The following KCTD1 variants were observed in gnomAD, a reference collection of about 807,000 sequenced individuals.
The protein encoded by KCTD1 is BTB/POZ domain-containing protein KCTD1.
KCTD1 carries 24 observed loss-of-function variants against 66.0 expected under a neutral mutation model. The ratio of observed to expected loss-of-function variants is 0.36; its 90% CI spans 0.26 to 0.51. KCTD1 has a LOEUF of 0.51. KCTD1 is among the 20% of genes least tolerant of loss of function. KCTD1 has a pLI of 0.95. For synonymous variants in KCTD1, 511 were observed against 517.2 expected (o/e 0.99, Z 0.16); for missense variants, 943 against 1,205.2 (o/e 0.78, Z 3.22).
intron 1 of KCTD1, among the ~76,000 whole-genome samples, chr18:26,583,535 T>C (rs1287258040): frequency 6.6e-6 from 1 of 152,182 alleles, no homozygotes; most frequent in Non-Finnish European, 1.5e-5. Context: ...TAATCTGGCT[T>C]CATGTGTGAC....
intron 1 of KCTD1, among the ~76,000 whole-genome samples, chr18:26,506,887 CA>C (rs1299878607): frequency 6.6e-6 from 1 of 152,170 alleles, no homozygotes; most frequent in Non-Finnish European, 1.5e-5. Context: ...TAATTTAGGC[CA>C]GGCGTGGTGG....
chr18:26,470,558 T>G (rs1980999859), intron 3 of KCTD1, among the ~76,000 whole-genome samples: 1 of 152,208 alleles, frequency 6.6e-6, no homozygotes. Context: ...TTCCTGGTCC[T>G]CGATAACATT....
intron 1 of KCTD1, among the ~76,000 whole-genome samples, chr18:26,594,089 T>A (rs1029920234): frequency 6.6e-6 from 1 of 152,236 alleles, no homozygotes; most frequent in Non-Finnish European, 1.5e-5. Context: ...ATTTACCATC[T>A]TGTTGAGCTT....
intron 1 of KCTD1, among the ~76,000 whole-genome samples, chr18:26,520,283 GC>G (rs1983848955): frequency 6.6e-6 from 1 of 152,150 alleles, no homozygotes; most frequent in Admixed American, 6.6e-5. Context: ...ACATGTGCTG[GC>G]TATTTTCTTT....
chr18:26,519,012 T>C (rs1295264454), intron 1 of KCTD1, among the ~76,000 whole-genome samples: 1 of 152,278 alleles, frequency 6.6e-6, no homozygotes, highest in East Asian at 1.9e-4. Context: ...TGTATACTAA[T>C]GAACTTCTGA....
At chr18:26,515,399 A>G (rs1230251163) in intron 1 of KCTD1, among the ~76,000 whole-genome samples, 3 of 152,204 alleles carry the variant, frequency 2.0e-5, no homozygotes, top group Non-Finnish European at 2.9e-5. Context: ...AAAAGTTAGA[A>G]GCAAAATATT....
At chr18:26,637,934 T>C (rs891835720) in intron 1 of KCTD1, among the ~76,000 whole-genome samples, 1 of 152,232 alleles carries the variant, frequency 6.6e-6, no homozygotes, top group Admixed American at 6.5e-5. Flanking sequence ...GCTATTGTTA[T>C]CATTTTTGTA....
At chr18:26,473,806 C>T (rs1004716131) in intron 3 of KCTD1, among the ~76,000 whole-genome samples, 1 of 152,182 alleles carries the variant, frequency 6.6e-6, no homozygotes, top group Non-Finnish European at 1.5e-5. Context: ...CTGTGCCTTC[C>T]TCAGGCTCAT....
chr18:26,532,914 T>C (rs1195762951), intron 1 of KCTD1, among the ~76,000 whole-genome samples: 1 of 152,354 alleles, frequency 6.6e-6, no homozygotes, highest in East Asian at 1.9e-4. Flanking sequence ...CTTCACTGCC[T>C]TGTTCTTTAT....
At chr18:26,616,033 C>T (rs1050994992) in intron 1 of KCTD1, among the ~76,000 whole-genome samples, 18 of 152,228 alleles carry the variant, frequency 1.2e-4, no homozygotes, top group South Asian at 6.2e-4. Flanking sequence ...TCAGGTGATC[C>T]GCCTGCCTCA....
chr18:26,565,022 A>G (rs1396706178), intron 1 of KCTD1, among the ~76,000 whole-genome samples: 1 of 152,238 alleles, frequency 6.6e-6, no homozygotes, highest in Admixed American at 6.5e-5. Context: ...TAAAATGATA[A>G]TGTTAGTCAA....
upstream of KCTD1, chr18:26,548,728 G>A (rs1985406444): frequency 1.4e-6 from 1 of 739,296 alleles, no homozygotes; most frequent in Non-Finnish European, 1.7e-6. Flanking sequence ...GAGGGGAGGG[G>A]GGAGGGGGGG....
At chr18:26,630,319 C>CT (rs1012617329), upstream of KCTD1, among the ~76,000 whole-genome samples, 11 of 151,950 alleles carry the variant, frequency 7.2e-5, no homozygotes, top group East Asian at 1.9e-4. Context: ...GAGTATATGT[C>CT]TTTTTTTGTT....
intron 1 of KCTD1, among the ~76,000 whole-genome samples, chr18:26,570,734 A>G (rs542270648): frequency 6.6e-6 from 1 of 152,296 alleles, no homozygotes; most frequent in East Asian, 1.9e-4. Context: ...GAGGATGCAC[A>G]GGTATACAGA....
intron 1 of KCTD1, among the ~76,000 whole-genome samples, chr18:26,554,069 G>C (rs1985643237): frequency 7.5e-6 from 1 of 132,562 alleles, no homozygotes; most frequent in South Asian, 2.5e-4. Flanking sequence ...AGGAAAGAAA[G>C]AATCTTCAAT....
At chr18:26,498,257 G>A (rs1982578896) in intron 2 of KCTD1, among the ~76,000 whole-genome samples, 1 of 152,076 alleles carries the variant, frequency 6.6e-6, no homozygotes, top group Non-Finnish European at 1.5e-5. Context: ...ACTCACTGGT[G>A]ACAGAAAGCA....
chr18:26,460,253 T>A (rs1980346410), intron 3 of KCTD1, among the ~76,000 whole-genome samples: 1 of 152,362 alleles, frequency 6.6e-6, no homozygotes, highest in East Asian at 1.9e-4. Flanking sequence ...AAAACTGAGA[T>A]GTGAAAGGAT....
intron 4 of KCTD1, chr18:26,457,590 G>GTGAT (rs1980162190): frequency 6.6e-6 from 1 of 152,212 alleles, no homozygotes; most frequent in South Asian, 2.1e-4. Context: ...TAGGCATCAT[G>GTGAT]TGATAATTAT....
chr18:26,514,073 A>G (rs1013694219), intron 1 of KCTD1, among the ~76,000 whole-genome samples: 4 of 152,198 alleles, frequency 2.6e-5, no homozygotes, highest in Non-Finnish European at 2.9e-5. Flanking sequence ...TTACTTATTT[A>G]TATCTTTTAT....
Sources: allele counts gnomAD v4.1 joint callset (sites outside exome capture counted in the v4.1 genomes callset), GRCh38; gene constraint gnomAD v4.1.1; transcripts MANE v1.5; gene names NCBI Gene and HGNC (gene_info 2026-07-23, HGNC 2026-07-21).